Variants in GGA2 observed in about 807,000 individuals in gnomAD.
The protein encoded by GGA2 is ADP-ribosylation factor-binding protein GGA2.
Under a neutral mutation model 79.5 loss-of-function variants are expected in GGA2, and 48 were observed. The ratio of observed to expected loss-of-function variants is 0.60; its 90% CI spans 0.48 to 0.77. GGA2 has a LOEUF of 0.77. GGA2 is among the 30% of genes least tolerant of loss of function. GGA2 has a pLI of 0.00. For missense variants in GGA2, 770 were observed against 774.0 expected, an observed-to-expected ratio of 0.99 and a Z score of 0.06; for synonymous variants, 317 against 302.0, an observed-to-expected ratio of 1.05 and a Z score of -0.51.
chr16:23,465,613 C>A lies in GGA2; in HGVS notation c.*1977G>T. On this transcript the variant is annotated 3_prime_UTR_variant, in exon 17 of 17. Coordinates refer to ENST00000309859, the MANE Select transcript of GGA2 (RefSeq NM_015044.4). ...GATGCTGTCATTATGATGGGTACCTCTTCAAGACTACGCAACAGTAACAGA... is the reference window on the plus strand; with the variant it reads ...GATGCTGTCATTATGATGGGTACCTATTCAAGACTACGCAACAGTAACAGA... 3.4e-6 allele frequency: 2 copies of A among 589,532 alleles called. No homozygotes were observed. The highest frequency in any genetic ancestry group is 6.6e-4 in the Middle Eastern group (2 of 3,014). The allele number at this position is 589,532 out of a possible 1,614,324, so 36.5% of individuals were successfully genotyped here.
At position 23,470,034 on chromosome 16, in the gene GGA2, G is replaced by A. The variant is rs1334972206; in HGVS notation, c.1582C>T (p.Pro528Ser). The A allele has an allele frequency of 2.5e-6, 4 of 1,593,082 alleles. No individual in the cohort carries two copies. Among genetic ancestry groups the A allele is most frequent in the Non-Finnish European group, 2.6e-6 (3 of 1,169,860 alleles). ...ACTTGAAACATGATATCCCAGACAG[G>A]CTGGGGAGCCGTGCTCATCATGGTC... Reference protein sequence around the residue: ...LLTMMSTAPQPVWDIMFQVAV... With the variant: ...LLTMMSTAPQSVWDIMFQVAV... Residue 528 changes from proline to serine, a missense_variant, in exon 15 of 17, where the codon CCT becomes TCT. Coordinates refer to ENST00000309859, the MANE Select transcript of GGA2 (RefSeq NM_015044.4).
upstream of GGA2, among the ~76,000 whole-genome samples, chr16:23,514,788 G>C (rs1338102842): frequency 6.6e-6 from 1 of 152,114 alleles, no homozygotes; most frequent in African/African-American, 2.4e-5. Context: ...CTTTGGAGAG[G>C]TGAGGAAAGA....
chr16:23,490,429 T>C (rs1567365242), intron 5 of GGA2, among the ~76,000 whole-genome samples: 1 of 152,210 alleles, frequency 6.6e-6, no homozygotes, highest in East Asian at 1.9e-4. Context: ...TGTATAAGTA[T>C]GTGTCAATTA....
intron 1 of GGA2, 24 bp downstream of exon 1, chr16:23,510,288 GCGGCTGCGC>G: frequency 9.5e-6 from 13 of 1,364,570 alleles, no homozygotes; most frequent in Non-Finnish European, 1.3e-5. Context: ...GTGCGGCGCA[GCGGCTGCGC>G]CGAAGGCCTG....
At chr16:23,513,869 G>C (rs1476666691), upstream of GGA2, among the ~76,000 whole-genome samples, 1 of 151,670 alleles carries the variant, frequency 6.6e-6, no homozygotes, top group African/African-American at 2.4e-5. Context: ...TCTGATAACA[G>C]GTGGTCATGC....
chr16:23,483,266 G>A (rs1226106223), intron 8 of GGA2, among the ~76,000 whole-genome samples: 1 of 152,148 alleles, frequency 6.6e-6, no homozygotes, highest in Non-Finnish European at 1.5e-5. Flanking sequence ...CAGCACTTTA[G>A]GAGACCAAGG....
At position 23,494,307 on chromosome 16, in the gene GGA2, A is replaced by G; in HGVS notation, c.248T>C (p.Leu83Ser). 6.2e-7 allele frequency: 1 copy of G among 1,600,276 alleles called. No homozygotes were observed. Among genetic ancestry groups the G allele is most frequent in the Non-Finnish European group, 8.6e-7 (1 of 1,167,342 alleles). ...TACAAGGCAAGCCAAACTCACCGTT[A>G]AGGCATAAAGAGCTTCCTTCTCTTG... ...SPQEKEALYA[L>S]TVLEMCMNHC... Residue 83 changes from leucine (L) to serine (S), a missense_variant, in exon 3 of 17, where the codon TTA becomes TCA. Leu to Ser is a moderately radical substitution (Grantham distance 145, BLOSUM62 -2). Transcript: ENST00000309859.
Position 23,486,890 on chromosome 16 carries a change from A to G in GGA2, c.580-100T>C. On this transcript the variant is annotated intron_variant, in intron 6 of 16. Transcript: ENST00000309859. ...AGAGTTAACACTAACAACAGTGCACACATTTTACATGCACCATCTCACCAA... is the reference window on the plus strand; with the variant it reads ...AGAGTTAACACTAACAACAGTGCACGCATTTTACATGCACCATCTCACCAA... The G allele has an allele frequency of 7.7e-6, 6 of 774,270 alleles. No individual in the cohort carries two copies. In the South Asian group the frequency reaches 8.1e-5, roughly 11 times the overall value. 48.0% of individuals were successfully genotyped at this position (774,270 alleles called of 1,614,324 possible).
chr16:23,467,236 T>C lies in GGA2; in HGVS notation c.*354A>G. On this transcript the variant is annotated 3_prime_UTR_variant, in exon 17 of 17. Transcript: ENST00000309859. ...AACGAACGATACATGAAAAAAACACTTTGGCTGATAAAACCTCCAACCTGA... is the reference window on the plus strand; with the variant it reads ...AACGAACGATACATGAAAAAAACACCTTGGCTGATAAAACCTCCAACCTGA... The C allele has an allele frequency of 4.5e-6, 1 of 219,792 alleles. No individual in the cohort carries two copies. The highest frequency in any genetic ancestry group is 8.6e-5 in the South Asian group (1 of 11,654). The allele number at this position is 219,792 out of a possible 1,614,324, so 13.6% of individuals were successfully genotyped here.
chr16:23,505,048 T>C (rs1183212739), intron 1 of GGA2, among the ~76,000 whole-genome samples: 1 of 152,094 alleles, frequency 6.6e-6, no homozygotes, highest in African/African-American at 2.4e-5. Context: ...GCCCCAAGAC[T>C]GTGAGGAAGT....
intron 1 of GGA2, among the ~76,000 whole-genome samples, chr16:23,509,639 A>T (rs1006258378): frequency 6.6e-6 from 1 of 151,786 alleles, no homozygotes; most frequent in Admixed American, 6.6e-5. Context: ...CCCTAAGATG[A>T]CTGTGAAGCT....
rs1334962585 is a variant in GGA2, at chr16:23,463,715, C to CT, written c.*3874dup. On this transcript the variant is annotated 3_prime_UTR_variant, in exon 17 of 17. Transcript: ENST00000309859. The stretch of plus-strand genomic sequence containing the variant: ...GGGGTCAGGACATGGTGGCTCATGC[C>CT]TGTAATCCCAGCACTTTGGGAGGTC... 1.3e-5 allele frequency: 2 copies of CT among 152,230 alleles called. No individual in the cohort carries two copies. The highest frequency in any genetic ancestry group is 2.9e-5 in the Non-Finnish European group (2 of 68,094). The allele number at this position is 152,230 out of a possible 1,614,324, so 9.4% of individuals were successfully genotyped here.
In GGA2 at chr16:23,465,926, G is replaced by C. The variant is rs1352318030; in HGVS notation, c.*1664C>G. 3 of 153,138 alleles carry C rather than the reference G, an allele frequency of 2.0e-5. No homozygotes were observed. The highest frequency in any genetic ancestry group is 7.2e-5 in the African/African-American group (3 of 41,442). 9.5% of individuals were successfully genotyped at this position (153,138 alleles called of 1,614,324 possible). A position where few individuals can be genotyped will look rare whatever the true frequency, so the allele number is the denominator to read the frequency against. On this transcript the variant is annotated 3_prime_UTR_variant, in exon 17 of 17. Transcript: ENST00000309859. The stretch of plus-strand genomic sequence containing the variant: ...ACCGCACTCCAGCCTGAGTGACAGA[G>C]TGAGATATGGCCTCAAAAAACAAAA...
In GGA2 at chr16:23,467,387, A is replaced by AACACACACACACACAC. The variant is rs57255054; in HGVS notation, c.*187_*202dup. The AACACACACACACACAC allele has an allele frequency of 0.02, 6,682 of 326,874 alleles. 154 individuals carry two copies. Among genetic ancestry groups the AACACACACACACACAC allele is most frequent in the Non-Finnish European group, 0.023 (4,194 of 184,494 alleles). The allele number at this position is 326,874 out of a possible 1,614,324, so 20.2% of individuals were successfully genotyped here. A position where few individuals can be genotyped will look rare whatever the true frequency, so the allele number is the denominator to read the frequency against. ...GCCCTGTGCTACCACCCTCTCCCCG[A>AACACACACACACACAC]ACACACACACACACACACACACACA... On this transcript the variant is annotated 3_prime_UTR_variant, in exon 17 of 17. Transcript: ENST00000309859.
chr16:23,519,586 C>A lies in GGA2; in HGVS notation c.61+1G>T, dbSNP rs985142438. 2.4e-6 allele frequency: 1 copy of A among 414,802 alleles called. No homozygotes were observed. The highest frequency in any genetic ancestry group is 4.8e-6 in the Non-Finnish European group (1 of 207,968). 25.7% of individuals were successfully genotyped at this position (414,802 alleles called of 1,614,324 possible). ...GATGTAGGAGAAGAGAGATGATTTA[C>A]CTTCAGGGCTAGGGCAGCTGTTGGC... On this transcript the variant is annotated splice_donor_variant, in intron 2 of 5. Transcript: ENST00000569300. LOFTEE classifies it high-confidence loss of function.
intron 15 of GGA2, among the ~76,000 whole-genome samples, chr16:23,469,780 T>A (rs531797302): frequency 1.3e-5 from 2 of 152,290 alleles, no homozygotes; most frequent in African/African-American, 4.8e-5. Flanking sequence ...GAGATACAGA[T>A]TCTTAAGGCA....
intron 9 of GGA2, 82 bp from the exon 10 acceptor site, chr16:23,480,852 C>T (rs1160335846): frequency 1.6e-5 from 22 of 1,334,776 alleles, no homozygotes; most frequent in Non-Finnish European, 5.3e-6. Flanking sequence ...CATAAAACAG[C>T]CTTCATATGG....
upstream of GGA2, among the ~76,000 whole-genome samples, chr16:23,513,144 T>A (rs1402345598): frequency 2.0e-5 from 3 of 152,226 alleles, no homozygotes; most frequent in Non-Finnish European, 4.4e-5. Flanking sequence ...CTCTACAGTT[T>A]GCCAAGGACC....
At position 23,471,932 on chromosome 16, in the gene GGA2, A is replaced by G. The variant is rs111241989; in HGVS notation, c.1451-1767T>C. Among the ~76,000 whole-genome samples, 1,421 of 152,294 alleles carry G rather than the reference A, an allele frequency of 9.3e-3. 23 individuals carry two copies. Among genetic ancestry groups the G allele is most frequent in the African/African-American group, 0.033 (1,377 of 41,560 alleles). ...TCTAAAAAAATTTAAAAAAAAATTA[A>G]AACATAGTTTAACAATGAAACTACC... On this transcript the variant is annotated intron_variant, in intron 14 of 16. Transcript: ENST00000309859.
Sources: allele counts gnomAD v4.1 joint callset (sites outside exome capture counted in the v4.1 genomes callset), GRCh38; gene constraint gnomAD v4.1.1; transcripts MANE v1.5; gene names NCBI Gene and HGNC (gene_info 2026-07-23, HGNC 2026-07-21).